OPCML: variants seen among roughly 807,000 people sequenced by gnomAD.
OPCML encodes the protein opioid-binding protein/cell adhesion molecule.
OPCML carries 13 observed loss-of-function variants against 37.8 expected under a neutral mutation model. That is an observed-to-expected ratio of 0.34 (90% CI 0.22 to 0.55). OPCML has a LOEUF of 0.55. Among genes scored for constraint, OPCML ranks in the 20% least tolerant of loss-of-function variants. The pLI, the probability that OPCML is intolerant of heterozygous loss-of-function variation, is 0.91. For missense variants in OPCML, 341 were observed against 435.6 expected, an observed-to-expected ratio of 0.78 and a Z score of 1.93; for synonymous variants, 176 against 168.8, an observed-to-expected ratio of 1.04 and a Z score of -0.33.
At chr11:133,189,572 T>C (rs564694525) in intron 1 of OPCML, among the ~76,000 whole-genome samples, 1 of 152,326 alleles carries the variant, frequency 6.6e-6, no homozygotes, top group African/African-American at 2.4e-5. Flanking sequence ...CCATCTCTCA[T>C]CTTGTTTAGA....
intron 1 of OPCML, among the ~76,000 whole-genome samples, chr11:133,358,726 C>T (rs1209846151): frequency 2.0e-5 from 3 of 152,106 alleles, no homozygotes; most frequent in Admixed American, 6.5e-5. Context: ...CACAGGCTGA[C>T]GGGCAGTGCT....
intron 2 of OPCML, among the ~76,000 whole-genome samples, chr11:132,722,169 A>G (rs1272595697): frequency 6.6e-6 from 1 of 151,298 alleles, no homozygotes; most frequent in Non-Finnish European, 1.5e-5. Flanking sequence ...GTTAGCCAGG[A>G]TGGTCTTGAT....
At chr11:133,330,114 T>G (rs897809346) in intron 1 of OPCML, among the ~76,000 whole-genome samples, 1 of 152,072 alleles carries the variant, frequency 6.6e-6, no homozygotes, top group African/African-American at 2.4e-5. Flanking sequence ...ATCAGAGAAA[T>G]GCAAGTCAAA....
intron 3 of OPCML, among the ~76,000 whole-genome samples, chr11:132,552,694 T>G (rs1192723054): frequency 6.6e-6 from 1 of 151,946 alleles, no homozygotes; most frequent in Non-Finnish European, 1.5e-5. Context: ...CTGTTAAACC[T>G]GTTTTAGGTA....
intron 1 of OPCML, among the ~76,000 whole-genome samples, chr11:133,200,317 T>C (rs1938719019): frequency 6.8e-6 from 1 of 148,116 alleles, no homozygotes; most frequent in South Asian, 2.1e-4. Context: ...AAGAGGAGAG[T>C]GGTTTATTTG....
chr11:133,305,150 T>G (rs1253663826), intron 1 of OPCML, among the ~76,000 whole-genome samples: 2 of 152,162 alleles, frequency 1.3e-5, no homozygotes, highest in Non-Finnish European at 2.9e-5. Context: ...ACCTTTCTCT[T>G]AATATTTATC....
At chr11:133,117,113 AT>A (rs1381342741) in intron 1 of OPCML, among the ~76,000 whole-genome samples, 3 of 152,282 alleles carry the variant, frequency 2.0e-5, no homozygotes, top group East Asian at 3.9e-4. Context: ...ATTTAAAAAA[AT>A]TTTTAATACT....
At chr11:133,425,510 C>T (rs1422941984) in intron 1 of OPCML, among the ~76,000 whole-genome samples, 1 of 152,176 alleles carries the variant, frequency 6.6e-6, no homozygotes, top group African/African-American at 2.4e-5. Flanking sequence ...CACTGTTATT[C>T]AAATTGCCAA....
Position 132,987,342 on chromosome 11 carries a change from T to C in OPCML, c.62-44332A>G, listed in dbSNP as rs142307032. Among the ~76,000 whole-genome samples, 287 of 152,238 alleles carry C rather than the reference T, an allele frequency of 1.9e-3. 2 individuals carry two copies. Among genetic ancestry groups the C allele is most frequent in the African/African-American group, 6.1e-3 (252 of 41,544 alleles). The stretch of plus-strand genomic sequence containing the variant: ...GCAATGGAGCCTAGGGGAGAAGCTT[T>C]CATGTAGATGTAAGAACGTGAAGAC... On this transcript the variant is annotated intron_variant, in intron 1 of 7. Coordinates refer to ENST00000524381, the MANE Select transcript of OPCML (RefSeq NM_001012393.5).
chr11:133,212,377 C>G lies in OPCML; in HGVS notation c.62-269367G>C, dbSNP rs567414708. ...TGCCCCTGAATCCTAGCCACACTGA[C>G]TACTCTGCTGTTCATCAAATACATC... is the stretch of plus-strand genomic sequence containing the variant. On this transcript the variant is annotated intron_variant, in intron 1 of 7. Transcript: ENST00000524381. This position sits in a 1 kb window ranked among gnomAD's most constrained non-coding sequence, Gnocchi z 4.9. Among the ~76,000 whole-genome samples the G allele has an allele frequency of 6.6e-6, 1 of 152,288 alleles. No individual in the cohort carries two copies. Among genetic ancestry groups the G allele is most frequent in the South Asian group, 2.1e-4 (1 of 4,822 alleles).
rs765353796 is a variant in OPCML at position 132,437,322 on chromosome 11, C to A, written c.543G>T (p.Glu181Asp). The stretch of plus-strand genomic sequence containing the variant: ...ACTGGTCTCGCTTGATGTCAGAGAT[C>A]TCCAGGTACTCATCCTCACTTACAA... The part of the protein sequence containing the change: ...QGFVSEDEYL[E>D]ISDIKRDQSG... Residue 181 changes from glutamate (E) to aspartate (D), a missense_variant, in exon 5 of 8, where the codon GAG becomes GAT. Transcript: ENST00000524381. The A allele has an allele frequency of 6.2e-7, 1 of 1,614,218 alleles. No individual in the cohort carries two copies. Among genetic ancestry groups the A allele is most frequent in the East Asian group, 2.2e-5 (1 of 44,888 alleles).
At chr11:133,035,849 G>A (rs1947771437) in intron 1 of OPCML, among the ~76,000 whole-genome samples, 1 of 152,120 alleles carries the variant, frequency 6.6e-6, no homozygotes. Flanking sequence ...GGCTGAATAA[G>A]GTTAAAAGAC....
intron 3 of OPCML, among the ~76,000 whole-genome samples, chr11:132,585,318 T>C (rs2096470299): frequency 6.6e-6 from 1 of 151,970 alleles, no homozygotes; most frequent in Non-Finnish European, 1.5e-5. Context: ...TTGGTTAATA[T>C]AGGGTTATTT....
At chr11:132,441,124 A>G (rs1002917110) in intron 4 of OPCML, among the ~76,000 whole-genome samples, 1 of 149,560 alleles carries the variant, frequency 6.7e-6, no homozygotes, top group Non-Finnish European at 1.5e-5. Context: ...CCTGTGAGCC[A>G]TTGGAAAGAT....
chr11:133,357,578 C>T (rs1329758268), intron 1 of OPCML, among the ~76,000 whole-genome samples: 1 of 152,164 alleles, frequency 6.6e-6, no homozygotes, highest in South Asian at 2.1e-4. Context: ...TCTCAAATCT[C>T]ATCTTTTTAT....
intron 1 of OPCML, among the ~76,000 whole-genome samples, chr11:132,990,795 G>A (rs1422127843): frequency 6.6e-6 from 1 of 152,192 alleles, no homozygotes; most frequent in Non-Finnish European, 1.5e-5. Context: ...AGTCTCTCTT[G>A]CCTGTATCTA....
chr11:133,327,922 A>T (rs1943515767), intron 1 of OPCML, among the ~76,000 whole-genome samples: 1 of 152,160 alleles, frequency 6.6e-6, no homozygotes, highest in Non-Finnish European at 1.5e-5. Flanking sequence ...TTGAGAAGAC[A>T]CTTGGAGGTA....
intron 1 of OPCML, among the ~76,000 whole-genome samples, chr11:133,411,415 A>G (rs1451735992): frequency 3.3e-5 from 5 of 152,132 alleles, no homozygotes; most frequent in Admixed American, 6.5e-5. Flanking sequence ...GCCTTCCCCT[A>G]ACAGAAGAGG....
At chr11:132,772,529 A>G (rs1946674159) in intron 2 of OPCML, 3 of 152,104 alleles carry the variant, frequency 2.0e-5, no homozygotes, top group Admixed American at 2.0e-4. Context: ...GAGGGCACTT[A>G]TTCCTCCAGG....
Sources: allele counts gnomAD v4.1 joint callset (sites outside exome capture counted in the v4.1 genomes callset), GRCh38; gene constraint gnomAD v4.1.1; non-coding constraint Gnocchi (gnomAD v3.1); transcripts MANE v1.5; gene names NCBI Gene and HGNC (gene_info 2026-07-23, HGNC 2026-07-21).